SUPT20H: variants seen among roughly 807,000 people sequenced by gnomAD.
SUPT20H encodes the protein SPT20 homolog, SAGA complex component, also known as transcription factor SPT20 homolog.
Under a neutral mutation model 122.8 loss-of-function variants are expected in SUPT20H, and 82 were observed. The observed-to-expected ratio is 0.67, with a 90% CI of 0.56 to 0.80. The LOEUF is 0.80. Ranked by LOEUF, SUPT20H falls within the 30% of genes least tolerant of loss-of-function variation. SUPT20H has a pLI of 0.00. For missense variants in SUPT20H, 831 were observed against 921.6 expected (o/e 0.90, Z 1.27); for synonymous variants, 291 against 313.0 (o/e 0.93, Z 0.74).
At chr13:37,053,132 C>A (rs1465947522) in intron 1 of SUPT20H, among the ~76,000 whole-genome samples, 1 of 152,118 alleles carries the variant, frequency 6.6e-6, no homozygotes, top group South Asian at 2.1e-4. Flanking sequence ...GGATCTAGAA[C>A]CAGAAATACT....
rs2061554122 is a variant in SUPT20H at position 37,022,298 on chromosome 13, T to C, written c.1592-218A>G. On this transcript the variant is annotated intron_variant, in intron 19 of 25. Transcript: ENST00000350612. The surrounding 1 kb of genome is among the most constrained non-coding windows in gnomAD (Gnocchi z 4.5). ...ATGAAGGGGTTGGTGTAGGAGTAGA[T>C]GGCTTAGGAGTTCCAGATCCTGCTC... is the stretch of plus-strand genomic sequence containing the variant. The C allele has an allele frequency of 2.1e-6, 3 of 1,409,540 alleles. No individual in the cohort carries two copies. The highest frequency in any genetic ancestry group is 2.8e-6 in the Non-Finnish European group (3 of 1,077,480). 87.3% of individuals were successfully genotyped at this position (1,409,540 alleles called of 1,614,324 possible). A position where few individuals can be genotyped will look rare whatever the true frequency, so the allele number is the denominator to read the frequency against.
intron 2 of SUPT20H, among the ~76,000 whole-genome samples, chr13:37,051,245 T>C (rs915473278): frequency 6.6e-6 from 1 of 152,218 alleles, no homozygotes; most frequent in Non-Finnish European, 1.5e-5. Context: ...TAGGTAAATA[T>C]TTTTAATACT....
intron 7 of SUPT20H, among the ~76,000 whole-genome samples, chr13:37,042,517 T>G (rs1037608253): frequency 6.6e-6 from 1 of 152,026 alleles, no homozygotes; most frequent in African/African-American, 2.4e-5. Flanking sequence ...GACCGAAGGA[T>G]TAGAGAAAGC....
intron 2 of SUPT20H, 120 bp downstream of exon 2, chr13:37,051,368 T>C (rs1401152970): frequency 2.0e-6 from 2 of 979,172 alleles, no homozygotes; most frequent in Non-Finnish European, 3.0e-6. Context: ...AATTTCCCAG[T>C]TGGGATAACC....
At chr13:37,035,964 T>C (rs1335761169) in intron 9 of SUPT20H, among the ~76,000 whole-genome samples, 5 of 152,238 alleles carry the variant, frequency 3.3e-5, no homozygotes, top group Non-Finnish European at 7.3e-5. Context: ...ACTCCAATTC[T>C]GAAAGAAGTT....
intron 10 of SUPT20H, 45 bp downstream of exon 10, chr13:37,033,404 T>C (rs778081374): frequency 3.5e-5 from 55 of 1,591,270 alleles, no homozygotes; most frequent in Non-Finnish European, 4.7e-5. Context: ...GCAAAATTTA[T>C]AGCTACTTGT....
chr13:37,022,409 A>G lies in SUPT20H; in HGVS notation c.1592-329T>C. 1 of 1,289,560 alleles carries G rather than the reference A, an allele frequency of 7.8e-7. No individual in the cohort carries two copies. The highest frequency in any genetic ancestry group is 1.5e-5 in the African/African-American group (1 of 65,710). The allele number at this position is 1,289,560 out of a possible 1,614,324, so 79.9% of individuals were successfully genotyped here. A position where few individuals can be genotyped will look rare whatever the true frequency, so the allele number is the denominator to read the frequency against. On this transcript the variant is annotated intron_variant, in intron 19 of 25. Coordinates refer to ENST00000350612, the MANE Select transcript of SUPT20H (RefSeq NM_001014286.3). This position sits in a 1 kb window ranked among gnomAD's most constrained non-coding sequence, Gnocchi z 4.5. ...AATGGAATCTTACTTAGCACTGACAATTTGTTCTAGTTTTTTTTTTTTTAG... is the reference window on the plus strand; with the variant it reads ...AATGGAATCTTACTTAGCACTGACAGTTTGTTCTAGTTTTTTTTTTTTTAG...
intron 22 of SUPT20H, among the ~76,000 whole-genome samples, chr13:37,018,095 T>C (rs2060835622): frequency 2.6e-5 from 4 of 151,966 alleles, no homozygotes; most frequent in Admixed American, 2.0e-4. Flanking sequence ...TACAGAACTC[T>C]TAGGTCTGTA....
chr13:37,040,534 A>C (rs754158230), intron 8 of SUPT20H, 42 bp downstream of exon 8: 1 of 1,596,666 alleles, frequency 6.3e-7, no homozygotes. Context: ...TAAAACTCCC[A>C]ACTAAAATCT....
At chr13:37,020,905 A>C (rs1209236600) in intron 21 of SUPT20H, among the ~76,000 whole-genome samples, 1 of 152,244 alleles carries the variant, frequency 6.6e-6, no homozygotes, top group African/African-American at 2.4e-5. Flanking sequence ...TCTCAGGCAC[A>C]GTTTAAACAC....
At chr13:37,023,920 T>C in intron 19 of SUPT20H, 115 bp downstream of exon 19, 1 of 1,019,844 alleles carries the variant, frequency 9.8e-7, no homozygotes, top group South Asian at 2.0e-5. Flanking sequence ...CTTATACATT[T>C]TGGGTACACA....
chr13:37,025,390 G>A lies in SUPT20H; in HGVS notation c.1259C>T (p.Pro420Leu), dbSNP rs915025655. ...QELVQNEAKC[P>L]VKMSHSSSGS... ...ACTGGAGCTGTGTGACATCTTGACCGGACATTTGGCTTCATTCTGGACTAA... is the reference window on the plus strand; with the variant it reads ...ACTGGAGCTGTGTGACATCTTGACCAGACATTTGGCTTCATTCTGGACTAA... Residue 420 changes from proline (P) to leucine (L), a missense_variant, in exon 17 of 26, where the codon CCG becomes CTG. Pro to Leu is a moderately conservative substitution (Grantham distance 98). Coordinates refer to ENST00000350612, the MANE Select transcript of SUPT20H (RefSeq NM_001014286.3). The A allele has an allele frequency of 1.1e-5, 17 of 1,613,690 alleles. No homozygotes were observed. Among genetic ancestry groups the A allele is most frequent in the Admixed American group, 3.3e-5 (2 of 59,980 alleles).
chr13:37,056,278 G>C (rs904689992), intron 1 of SUPT20H, among the ~76,000 whole-genome samples: 1 of 152,140 alleles, frequency 6.6e-6, no homozygotes, highest in Non-Finnish European at 1.5e-5. Context: ...TATACCCAAA[G>C]GATTATAAAA....
intron 22 of SUPT20H, among the ~76,000 whole-genome samples, chr13:37,017,651 T>A (rs2060747438): frequency 6.9e-6 from 1 of 145,176 alleles, no homozygotes; most frequent in South Asian, 2.1e-4. Flanking sequence ...TATTTTTCAT[T>A]TCACTCTTTT....
At chr13:37,055,982 G>A (rs2068903235) in intron 1 of SUPT20H, among the ~76,000 whole-genome samples, 3 of 152,324 alleles carry the variant, frequency 2.0e-5, no homozygotes, top group African/African-American at 7.2e-5. Flanking sequence ...CTTCTGAAAA[G>A]AAGACATTTA....
chr13:37,042,992 ATTTCT>A (rs890440118), intron 7 of SUPT20H, among the ~76,000 whole-genome samples: 7 of 152,202 alleles, frequency 4.6e-5, no homozygotes, highest in Non-Finnish European at 7.3e-5. Context: ...TCCAATTAGC[ATTTCT>A]TTTAAGTGTC....
chr13:37,047,413 G>T, intron 5 of SUPT20H, 122 bp downstream of exon 5: 1 of 1,095,722 alleles, frequency 9.1e-7, no homozygotes, highest in Non-Finnish European at 1.2e-6. Context: ...AATTGACTAG[G>T]GTCAGGTTAA....
chr13:37,044,931 T>C (rs939328292), intron 6 of SUPT20H, among the ~76,000 whole-genome samples: 5 of 152,158 alleles, frequency 3.3e-5, no homozygotes, highest in East Asian at 1.9e-4. Flanking sequence ...CTGTAAGTTA[T>C]GCCTCTATAA....
chr13:37,033,480 T>C lies in SUPT20H; in HGVS notation c.676A>G (p.Lys226Glu). ...TCTANRLLYN[K>E]QKMNTRPMKR... ...ATTGGGCGAGTGTTCATCTTTTGCT[T>C]GTTATAGAGCAGTCTGTTTGCAGTG... is the stretch of plus-strand genomic sequence containing the variant. Residue 226 changes from lysine (K) to glutamate (E), a missense_variant, in exon 10 of 26, where the codon AAG (lysine) becomes GAG (glutamate). Transcript: ENST00000350612. 1 of 1,611,734 alleles carries C rather than the reference T, an allele frequency of 6.2e-7. No individual in the cohort carries two copies. Among genetic ancestry groups the C allele is most frequent in the Non-Finnish European group, 8.5e-7 (1 of 1,178,884 alleles).
Sources: allele counts gnomAD v4.1 joint callset (sites outside exome capture counted in the v4.1 genomes callset), GRCh38; gene constraint gnomAD v4.1.1; non-coding constraint Gnocchi (gnomAD v3.1); transcripts MANE v1.5; gene names NCBI Gene and HGNC (gene_info 2026-07-23, HGNC 2026-07-21).